The following SYT2 variants were observed in gnomAD, a reference collection of about 807,000 sequenced individuals.
SYT2 encodes synaptotagmin-2.
A neutral mutation model predicts 39.9 loss-of-function variants in SYT2; 15 were observed. The observed-to-expected ratio is 0.38, with a 90% CI of 0.25 to 0.58. The LOEUF (loss-of-function observed/expected upper bound fraction) is 0.58. Ranked by LOEUF, SYT2 falls within the 20% of genes least tolerant of loss-of-function variation. SYT2 has a pLI of 0.70. For missense variants in SYT2, 389 were observed against 530.3 expected (o/e 0.73, Z 2.62); for synonymous variants, 181 against 204.5 (o/e 0.89, Z 0.98).
At chr1:202,690,749 G>T (rs1653798516) in intron 1 of SYT2, among the ~76,000 whole-genome samples, 1 of 152,216 alleles carries the variant, frequency 6.6e-6, no homozygotes, top group Non-Finnish European at 1.5e-5. Context: ...AACAGACTAA[G>T]TTCTTGCTCT....
chr1:202,658,169 T>C (rs1006155185), intron 1 of SYT2, among the ~76,000 whole-genome samples: 1 of 152,136 alleles, frequency 6.6e-6, no homozygotes, highest in Non-Finnish European at 1.5e-5. Flanking sequence ...TCCATGGCTC[T>C]GTGAGCTGGG....
chr1:202,653,851 T>C (rs989835783), intron 1 of SYT2, among the ~76,000 whole-genome samples: 2 of 152,236 alleles, frequency 1.3e-5, no homozygotes, highest in African/African-American at 4.8e-5. Flanking sequence ...GCTGGGAGCC[T>C]GGGTTCTGGG....
chr1:202,645,684 T>C (rs1692065869), intron 1 of SYT2, among the ~76,000 whole-genome samples: 1 of 152,230 alleles, frequency 6.6e-6, no homozygotes, highest in Non-Finnish European at 1.5e-5. Flanking sequence ...CTGCTCCTTC[T>C]GAAAATACTG....
chr1:202,691,684 G>GGGGAGAGGGAGAGGGAGA (rs1169874133), intron 1 of SYT2, among the ~76,000 whole-genome samples: 1 of 49,820 alleles, frequency 2.0e-5, no homozygotes, highest in Non-Finnish European at 3.7e-5. Context: ...AGGGAGCGAG[G>GGGGAGAGGGAGAGGGAGA]GGGAGAGGGA....
At chr1:202,668,913 G>A (rs1692530558) in intron 1 of SYT2, among the ~76,000 whole-genome samples, 1 of 152,248 alleles carries the variant, frequency 6.6e-6, no homozygotes, top group African/African-American at 2.4e-5. Context: ...CCAAGAGGAG[G>A]CTTGTTACAT....
chr1:202,679,546 A>T (rs115245727), intron 1 of SYT2, among the ~76,000 whole-genome samples: 5 of 152,190 alleles, frequency 3.3e-5, no homozygotes, highest in Non-Finnish European at 7.4e-5. Context: ...AGTTTGGTGC[A>T]TTACTCTTCC....
chr1:202,679,896 TTTC>T (rs1226752640), intron 1 of SYT2, among the ~76,000 whole-genome samples: 1 of 152,170 alleles, frequency 6.6e-6, no homozygotes, highest in Admixed American at 6.6e-5. Context: ...GTGCCACACT[TTTC>T]TACTGTCATC....
At chr1:202,652,688 C>T (rs1366348455) in intron 1 of SYT2, among the ~76,000 whole-genome samples, 3 of 152,108 alleles carry the variant, frequency 2.0e-5, no homozygotes, top group African/African-American at 7.2e-5. Context: ...GGGAGGGGGC[C>T]GGGCATCAGT....
chr1:202,662,168 G>A (rs142292758), intron 1 of SYT2, among the ~76,000 whole-genome samples: 64 of 152,324 alleles, frequency 4.2e-4, no homozygotes, highest in African/African-American at 1.4e-3. Flanking sequence ...GGTATAAGAA[G>A]GGCATCCCAG....
chr1:202,596,466 C>T lies in SYT2; in HGVS notation c.*291G>A, dbSNP rs1256929008. ...GTAGAGAGCCTCGCTTGGGGTGAGG[C>T]AGATGTGAAGCTTTGAAAGAGTCGA... On this transcript the variant is annotated 3_prime_UTR_variant, in exon 9 of 9. Transcript: ENST00000367268. The T allele has an allele frequency of 9.8e-6, 3 of 304,870 alleles. No homozygotes were observed. The highest frequency in any genetic ancestry group is 4.8e-5 in the Admixed American group (1 of 20,752). The allele number at this position is 304,870 out of a possible 1,614,324, so 18.9% of individuals were successfully genotyped here. A position where few individuals can be genotyped will look rare whatever the true frequency, so the allele number is the denominator to read the frequency against.
intron 1 of SYT2, among the ~76,000 whole-genome samples, chr1:202,708,166 C>G (rs1319759800): frequency 6.6e-6 from 1 of 152,000 alleles, no homozygotes; most frequent in East Asian, 1.9e-4. Context: ...TTTTGCTTCC[C>G]CTGGTCCTGT....
intron 1 of SYT2, among the ~76,000 whole-genome samples, chr1:202,668,797 C>T (rs138944368): frequency 1.4e-4 from 22 of 152,336 alleles, no homozygotes; most frequent in African/African-American, 5.3e-4. Flanking sequence ...AACCACCACT[C>T]CATAAGGCAT....
At chr1:202,609,028 TC>T (rs1558428157) in intron 1 of SYT2, among the ~76,000 whole-genome samples, 1 of 64,662 alleles carries the variant, frequency 1.5e-5, no homozygotes, top group Admixed American at 2.2e-4. Context: ...CCCTCCACCC[TC>T]CCCCCACCCC....
intron 1 of SYT2, among the ~76,000 whole-genome samples, chr1:202,661,702 G>A (rs116200091): frequency 1.3e-5 from 2 of 152,276 alleles, no homozygotes; most frequent in Non-Finnish European, 2.9e-5. Flanking sequence ...ACACTCTGCA[G>A]GCGCTGGCCC....
chr1:202,627,537 A>G (rs985376518), intron 1 of SYT2: 1 of 985,198 alleles, frequency 1.0e-6, no homozygotes, highest in African/African-American at 1.7e-5. Context: ...ACTGCCTTGC[A>G]GTGCTCCACT....
chr1:202,591,926 G>C lies in SYT2; in HGVS notation c.*4831C>G, dbSNP rs1175940973. On this transcript the variant is annotated 3_prime_UTR_variant, in exon 9 of 9. Transcript: ENST00000367268. ...TGAACTGTGAACCCAGGCCGAGAAA[G>C]CCAGCTCGGGCAGGGCCAGCATGGG... 2 of 152,902 alleles carry C rather than the reference G, an allele frequency of 1.3e-5. No individual in the cohort carries two copies. The highest frequency in any genetic ancestry group is 3.9e-4 in the East Asian group (2 of 5,188). The allele number at this position is 152,902 out of a possible 1,614,324, so 9.5% of individuals were successfully genotyped here. A position where few individuals can be genotyped will look rare whatever the true frequency, so the allele number is the denominator to read the frequency against.
At chr1:202,646,548 C>T (rs190190712) in intron 1 of SYT2, among the ~76,000 whole-genome samples, 71 of 152,354 alleles carry the variant, frequency 4.7e-4, no homozygotes, top group African/African-American at 1.7e-3. Flanking sequence ...AATCCTGCAT[C>T]CTCAAATCCT....
Position 202,596,739 on chromosome 1 carries a change from G to C in SYT2, c.*18C>G. ...TTGTCAGTGTCCGTGAAAGGTGTGG[G>C]GTCCCAGCCGCTGCTGTCTACTTGT... On this transcript the variant is annotated 3_prime_UTR_variant, in exon 9 of 9. Coordinates refer to ENST00000367268, the MANE Select transcript of SYT2 (RefSeq NM_177402.5). 6.2e-7 allele frequency: 1 copy of C among 1,607,316 alleles called. No homozygotes were observed. The highest frequency in any genetic ancestry group is 8.5e-7 in the Non-Finnish European group (1 of 1,175,008).
intron 1 of SYT2, among the ~76,000 whole-genome samples, chr1:202,608,859 T>A (rs1459914303): frequency 6.6e-6 from 1 of 152,212 alleles, no homozygotes; most frequent in Non-Finnish European, 1.5e-5. Flanking sequence ...GGTTCCAAGT[T>A]TTCCACATCC....
Sources: gnomAD v4.1 joint callset for allele counts (sites outside exome capture counted in the v4.1 genomes callset) on GRCh38, gnomAD v4.1.1 for gene constraint, MANE v1.5 for transcripts, NCBI Gene and HGNC (gene_info 2026-07-23, HGNC 2026-07-21) for gene names.